PPM1L: variants seen among roughly 807,000 people sequenced by gnomAD.
PPM1L encodes protein phosphatase 1L.
A neutral mutation model predicts 31.4 loss-of-function variants in PPM1L; 13 were observed. The observed-to-expected ratio is 0.41, with a 90% CI of 0.27 to 0.66. PPM1L has a LOEUF of 0.66. Ranked by LOEUF, PPM1L falls within the 30% of genes least tolerant of loss-of-function variation. The pLI is 0.29. For missense variants in PPM1L, 326 were observed against 453.7 expected (o/e 0.72, Z 2.56); for synonymous variants, 184 against 175.4 (o/e 1.05, Z -0.39).
chr3:160,889,617 T>C (rs577553135), intron 1 of PPM1L, among the ~76,000 whole-genome samples: 1 of 152,256 alleles, frequency 6.6e-6, no homozygotes, highest in East Asian at 1.9e-4. Flanking sequence ...TTCCAAACAG[T>C]TGAAAAGGAG....
intron 2 of PPM1L, among the ~76,000 whole-genome samples, chr3:161,028,264 G>A (rs769903287): frequency 4.6e-5 from 7 of 152,166 alleles, no homozygotes; most frequent in Admixed American, 1.3e-4. Flanking sequence ...GAAACGGCAC[G>A]TGTAAATTCT....
chr3:160,783,625 G>A, intron 1 of PPM1L, among the ~76,000 whole-genome samples: 2 of 150,332 alleles, frequency 1.3e-5, no homozygotes. Flanking sequence ...GAAAAAGAAA[G>A]AAAGAAAGAA....
intron 1 of PPM1L, among the ~76,000 whole-genome samples, chr3:160,778,029 A>C (rs1013719290): frequency 3.9e-5 from 6 of 152,034 alleles, no homozygotes; most frequent in African/African-American, 1.5e-4. Flanking sequence ...GCAATACTTG[A>C]TATTTTATAA....
chr3:161,009,755 G>A (rs552387853), intron 2 of PPM1L, among the ~76,000 whole-genome samples: 50 of 152,164 alleles, frequency 3.3e-4, no homozygotes, highest in Admixed American at 9.2e-4. Context: ...TAACTAGGAA[G>A]TGATAAAAGC....
chr3:160,835,082 C>CT (rs1553810702), intron 1 of PPM1L, among the ~76,000 whole-genome samples: 2 of 141,666 alleles, frequency 1.4e-5, no homozygotes, highest in Non-Finnish European at 3.0e-5. Flanking sequence ...TCTTCTTCTT[C>CT]TTCTTTCTTT....
chr3:160,842,789 T>G (rs1713926020), intron 1 of PPM1L, among the ~76,000 whole-genome samples: 1 of 152,176 alleles, frequency 6.6e-6, no homozygotes, highest in Non-Finnish European at 1.5e-5. Flanking sequence ...GATGTCTAGG[T>G]GCCAACTGGA....
rs781258072 is a variant in PPM1L at position 160,961,799 on chromosome 3, G to A, written c.463G>A (p.Glu155Lys). ...CCTTAAACAGCATCTTCAGGACTAC[G>A]AGAAAGACAAAGAAAATAGTGTATT... ...EALKQHLQDY[E>K]KDKENSVLSY... Residue 155 changes from glutamate (E) to lysine (K), a missense_variant, in exon 2 of 4, where the codon GAG (glutamate) becomes AAG (lysine). Transcript: ENST00000498165. 27 of 1,602,866 alleles carry A rather than the reference G, an allele frequency of 1.7e-5. 1 individual carries two copies. Among genetic ancestry groups the A allele is most frequent in the East Asian group, 1.1e-4 (5 of 44,204 alleles).
intron 2 of PPM1L, among the ~76,000 whole-genome samples, chr3:161,012,229 G>C (rs548258508): frequency 6.6e-6 from 1 of 152,216 alleles, no homozygotes. Flanking sequence ...TAGCATGAAG[G>C]GCTGTTGAAT....
intron 2 of PPM1L, among the ~76,000 whole-genome samples, chr3:160,994,605 T>C (rs1717246779): frequency 6.6e-5 from 10 of 152,154 alleles, no homozygotes; most frequent in Admixed American, 6.5e-4. Context: ...GTTATTCTCA[T>C]GGTATGCTTA....
intron 1 of PPM1L, among the ~76,000 whole-genome samples, chr3:160,954,912 CTTCCTTCCTTCT>C (rs1480404208): frequency 5.8e-5 from 7 of 119,828 alleles, no homozygotes; most frequent in African/African-American, 1.9e-4. Flanking sequence ...TCCTTCCTTC[CTTCCTTCCTTCT>C]TTCCTTCCTT....
chr3:161,046,110 C>CAAAAAAAAAAAAA (rs58794623), intron 2 of PPM1L, among the ~76,000 whole-genome samples: 5 of 50,300 alleles, frequency 9.9e-5, no homozygotes, highest in Admixed American at 3.4e-4. Context: ...GACTCTGTCT[C>CAAAAAAAAAAAAA]AAAAAAAAAA....
intron 1 of PPM1L, among the ~76,000 whole-genome samples, chr3:160,879,863 CA>C (rs1278105555): frequency 1.3e-5 from 2 of 152,160 alleles, no homozygotes; most frequent in East Asian, 3.9e-4. Context: ...CACAGTGATA[CA>C]AATTGAGAAC....
chr3:161,051,913 G>A (rs1003139001), intron 2 of PPM1L, among the ~76,000 whole-genome samples: 1 of 152,090 alleles, frequency 6.6e-6, no homozygotes, highest in Non-Finnish European at 1.5e-5. Context: ...AGGTTCTTTT[G>A]TGTAAATACC....
At chr3:160,924,316 C>T (rs187455691) in intron 1 of PPM1L, among the ~76,000 whole-genome samples, 33 of 152,224 alleles carry the variant, frequency 2.2e-4, no homozygotes, top group African/African-American at 3.1e-4. Flanking sequence ...TGCAAAGGGT[C>T]GGAAGCAGTG....
chr3:161,059,619 T>A (rs1172303948), intron 2 of PPM1L, among the ~76,000 whole-genome samples: 1 of 152,122 alleles, frequency 6.6e-6, no homozygotes, highest in Non-Finnish European at 1.5e-5. Flanking sequence ...AGCATTGTAG[T>A]GGGAAAATCC....
chr3:160,967,175 T>C (rs2108112965), intron 2 of PPM1L, among the ~76,000 whole-genome samples: 1 of 152,130 alleles, frequency 6.6e-6, no homozygotes, highest in South Asian at 2.1e-4. Context: ...TATGCCACCA[T>C]GTAAGACATG....
At chr3:160,917,977 C>G (rs1257590123) in intron 1 of PPM1L, among the ~76,000 whole-genome samples, 1 of 152,168 alleles carries the variant, frequency 6.6e-6, no homozygotes, top group Non-Finnish European at 1.5e-5. Flanking sequence ...ACCTGGAAAA[C>G]TTTGTCCTGT....
chr3:160,899,674 T>C (rs964749109), intron 1 of PPM1L, among the ~76,000 whole-genome samples: 5 of 152,214 alleles, frequency 3.3e-5, no homozygotes, highest in Admixed American at 2.0e-4. Flanking sequence ...AATCTTTAAT[T>C]TGTTAGTTTT....
intron 1 of PPM1L, among the ~76,000 whole-genome samples, chr3:160,761,591 A>G (rs1416186287): frequency 6.6e-6 from 1 of 152,200 alleles, no homozygotes; most frequent in Non-Finnish European, 1.5e-5. Flanking sequence ...GCAGACTTTT[A>G]TGGAATACAT....
Sources: gnomAD v4.1 joint callset for allele counts (sites outside exome capture counted in the v4.1 genomes callset) on GRCh38, gnomAD v4.1.1 for gene constraint, MANE v1.5 for transcripts, NCBI Gene and HGNC (gene_info 2026-07-23, HGNC 2026-07-21) for gene names.